The following VPS33B variants were observed in gnomAD, a reference collection of about 807,000 sequenced individuals.
VPS33B encodes the protein VPS33B late endosome and lysosome associated.
Under a neutral mutation model 95.3 loss-of-function variants are expected in VPS33B, and 80 were observed. The ratio of observed to expected loss-of-function variants is 0.84; its 90% CI spans 0.70 to 1.01. The LOEUF (loss-of-function observed/expected upper bound fraction) is 1.01. Ranked by LOEUF, VPS33B falls within the 50% of genes least tolerant of loss-of-function variation. The pLI, the probability that VPS33B is intolerant of heterozygous loss-of-function variation, is 0.00. For synonymous variants in VPS33B, 280 were observed against 280.4 expected, an observed-to-expected ratio of 1.00 and a Z score of 0.01; for missense variants, 715 against 773.4, an observed-to-expected ratio of 0.92 and a Z score of 0.90.
intron 1 of VPS33B, among the ~76,000 whole-genome samples, chr15:91,021,878 A>G (rs1486363131): frequency 6.6e-6 from 1 of 152,204 alleles, no homozygotes; most frequent in Non-Finnish European, 1.5e-5. Flanking sequence ...CCCTAATGGC[A>G]AAGATGTCTT....
rs1272396689 is a variant in VPS33B, at chr15:91,007,599, G to A, written c.499-26C>T. The A allele has an allele frequency of 4.3e-6, 7 of 1,611,528 alleles. No individual in the cohort carries two copies. Among genetic ancestry groups the A allele is most frequent in the Non-Finnish European group, 5.9e-6 (7 of 1,177,748 alleles). The stretch of plus-strand genomic sequence containing the variant: ...CTGCAGGGACCACACAAGCCACAAA[G>A]ATATGAATCAACCCAGTAGGACCAC... On this transcript the variant is annotated intron_variant, in intron 7 of 22. Coordinates refer to ENST00000333371, the MANE Select transcript of VPS33B (RefSeq NM_018668.5). This position sits in a 1 kb window ranked among gnomAD's most constrained non-coding sequence, Gnocchi z 5.3.
intron 19 of VPS33B, chr15:91,001,079 GC>G (rs1195953981): frequency 2.7e-6 from 1 of 374,988 alleles, no homozygotes; most frequent in Non-Finnish European, 5.1e-6. Flanking sequence ...ACTTTGGGAG[GC>G]CGAGGTGGGC....
At position 91,009,162 on chromosome 15, in the gene VPS33B, G is replaced by C. The variant is rs544661707; in HGVS notation, c.403+639C>G. On this transcript the variant is annotated intron_variant, in intron 6 of 22. Transcript: ENST00000333371. This position sits in a 1 kb window ranked among gnomAD's most constrained non-coding sequence, Gnocchi z 4.1. ...TTCCTGTGGGAGCCTTGGAAGGTGA[G>C]AAAAGAGTGGCTGGTCATTTCCAAC... Among the ~76,000 whole-genome samples, 13 of 152,136 alleles carry C rather than the reference G, an allele frequency of 8.5e-5. No individual in the cohort carries two copies. The South Asian group carries it at 2.1e-3, about 24-fold the overall frequency.
At chr15:91,014,031 A>G (rs1262453963) in intron 4 of VPS33B, among the ~76,000 whole-genome samples, 160 bp from the exon 5 acceptor site, 1 of 152,102 alleles carries the variant, frequency 6.6e-6, no homozygotes, top group South Asian at 2.1e-4. Flanking sequence ...CAGCCTGGCC[A>G]ACATGGTGAA....
At chr15:91,014,461 T>C (rs2040867821) in intron 3 of VPS33B, 28 bp from the exon 4 acceptor site, 1 of 1,611,114 alleles carries the variant, frequency 6.2e-7, no homozygotes, top group African/African-American at 1.3e-5. Context: ...AAAAAAACAG[T>C]GAAGAAGAAT....
chr15:91,019,112 CT>C (rs1340447722), intron 1 of VPS33B, among the ~76,000 whole-genome samples: 2 of 122,410 alleles, frequency 1.6e-5, no homozygotes, highest in East Asian at 6.2e-4. Context: ...TGCTCCTGGC[CT>C]GTTTTTTTTT....
chr15:91,009,975 C>T lies in VPS33B; in HGVS notation c.358-129G>A, dbSNP rs2040737007. ...CCAGTGAAAGACAAGAGAACCCAGA[C>T]TCTTAAGATCTAGAAAGAACCATTA... On this transcript the variant is annotated intron_variant, in intron 5 of 22. Coordinates refer to ENST00000333371, the MANE Select transcript of VPS33B (RefSeq NM_018668.5). This position sits in a 1 kb window ranked among gnomAD's most constrained non-coding sequence, Gnocchi z 4.1. 1.0e-6 allele frequency: 1 copy of T among 961,310 alleles called. No individual in the cohort carries two copies. Among genetic ancestry groups the T allele is most frequent in the African/African-American group, 1.6e-5 (1 of 61,444 alleles). The allele number at this position is 961,310 out of a possible 1,614,324, so 59.5% of individuals were successfully genotyped here.
At position 91,005,715 on chromosome 15, in the gene VPS33B, C is replaced by T. The variant is rs2040582847; in HGVS notation, c.1009G>A (p.Glu337Lys). Residue 337 changes from glutamate to lysine, a missense_variant, in exon 13 of 23, where the codon GAG becomes AAG. Coordinates refer to ENST00000333371, the MANE Select transcript of VPS33B (RefSeq NM_018668.5). This position sits in a 1 kb window ranked among gnomAD's most constrained non-coding sequence, Gnocchi z 6.4. ...VSQELKGLKQ[E>K]HRLLSLHIGA... ...CTACGGAGACTCAGCAGGCGGTGCT[C>T]CTGTTTCAGGCCCTTGAGCTCCTGG... is the stretch of plus-strand genomic sequence containing the variant. 6.2e-7 allele frequency: 1 copy of T among 1,614,124 alleles called. No homozygotes were observed. Among genetic ancestry groups the T allele is most frequent in the Non-Finnish European group, 8.5e-7 (1 of 1,180,006 alleles).
At position 91,015,114 on chromosome 15, in the gene VPS33B, T is replaced by C. The variant is rs2040886189; in HGVS notation, c.240-681A>G. Among the ~76,000 whole-genome samples, 1 of 151,828 alleles carries C rather than the reference T, an allele frequency of 6.6e-6. No homozygotes were observed. The highest frequency in any genetic ancestry group is 2.1e-4 in the South Asian group (1 of 4,794). ...ACTTTGGGAGGCAGAGGCGGGTGGA[T>C]CACCTGAGGTCAGGAGTTTGAGACC... is the stretch of plus-strand genomic sequence containing the variant. On this transcript the variant is annotated intron_variant, in intron 3 of 22. Transcript: ENST00000333371. This position sits in a 1 kb window ranked among gnomAD's most constrained non-coding sequence, Gnocchi z 4.7.
In VPS33B at chr15:91,006,064, G is replaced by C; in HGVS notation, c.853-5C>G. ...GTTCCGAATCTCATTAAACACCTGT[G>C]AGGACAGTAAGACAAGAACAGCTTA... On this transcript the variant is annotated splice_region_variant and splice_polypyrimidine_tract_variant and intron_variant, in intron 11 of 22. Coordinates refer to ENST00000333371, the MANE Select transcript of VPS33B (RefSeq NM_018668.5). The surrounding 1 kb of genome is among the most constrained non-coding windows in gnomAD (Gnocchi z 5.4). 1 of 1,614,132 alleles carries C rather than the reference G, an allele frequency of 6.2e-7. No individual in the cohort carries two copies. The highest frequency in any genetic ancestry group is 8.5e-7 in the Non-Finnish European group (1 of 1,179,998).
At chr15:91,012,456 C>T (rs1025456072) in intron 5 of VPS33B, among the ~76,000 whole-genome samples, 4 of 152,154 alleles carry the variant, frequency 2.6e-5, no homozygotes, top group Non-Finnish European at 5.9e-5. Context: ...AGACACGGAG[C>T]AGCTCAGTAC....
At chr15:91,001,315 A>G in intron 19 of VPS33B, 74 bp downstream of exon 19, 1 of 1,226,038 alleles carries the variant, frequency 8.2e-7, no homozygotes, top group Non-Finnish European at 1.2e-6. Flanking sequence ...ATCTCAAAAA[A>G]AAAAAAAAAA....
Position 91,017,365 on chromosome 15 carries a change from T to TTAAAAAAAAAAAAAAAAAAA in VPS33B, c.178-342_178-341insTTTTTTTTTTTTTTTTTTTA, listed in dbSNP as rs1555460460. ...TAACAAGACTCCATCTCTACAAAATTAAATATATATATATATATATATATA... is the reference window on the plus strand; with the variant it reads ...TAACAAGACTCCATCTCTACAAAATTTAAAAAAAAAAAAAAAAAAAAAATATATATATATATATATATATA... On this transcript the variant is annotated intron_variant, in intron 2 of 22. Coordinates refer to ENST00000333371, the MANE Select transcript of VPS33B (RefSeq NM_018668.5). Among the ~76,000 whole-genome samples the TTAAAAAAAAAAAAAAAAAAA allele has an allele frequency of 7.6e-4, 13 of 16,998 alleles. 2 individuals carry two copies. The highest frequency in any genetic ancestry group is 4.8e-3 in the East Asian group (2 of 420). The allele number at this position is 16,998 out of a possible 152,430, so 11.2% of individuals were successfully genotyped here.
intron 3 of VPS33B, among the ~76,000 whole-genome samples, chr15:91,014,860 G>A (rs1323474222): frequency 6.6e-6 from 1 of 152,084 alleles, no homozygotes; most frequent in Non-Finnish European, 1.5e-5. Context: ...GCCAAGGTGA[G>A]AAGATTGCTT....
chr15:91,021,862 T>C (rs2041112285), intron 1 of VPS33B, among the ~76,000 whole-genome samples: 2 of 152,202 alleles, frequency 1.3e-5, no homozygotes, highest in African/African-American at 4.8e-5. Context: ...ACTGGAGTGG[T>C]AAGATCCCTA....
At position 91,011,881 on chromosome 15, in the gene VPS33B, C is replaced by T. The variant is rs1299811129; in HGVS notation, c.357+1923G>A. Among the ~76,000 whole-genome samples, 6 of 151,902 alleles carry T rather than the reference C, an allele frequency of 3.9e-5. No individual in the cohort carries two copies. Among genetic ancestry groups the T allele is most frequent in the South Asian group, 2.1e-4 (1 of 4,804 alleles). ...GTGCACATCTGTAGTCCCAGCTACT[C>T]GGGAAGCTGAGGCAGGAGAATTGCT... On this transcript the variant is annotated intron_variant, in intron 5 of 22. Transcript: ENST00000333371. The surrounding 1 kb of genome is among the most constrained non-coding windows in gnomAD (Gnocchi z 5.5).
At position 91,007,603 on chromosome 15, in the gene VPS33B, T is replaced by G; in HGVS notation, c.499-30A>C. On this transcript the variant is annotated intron_variant, in intron 7 of 22. Coordinates refer to ENST00000333371, the MANE Select transcript of VPS33B (RefSeq NM_018668.5). This position sits in a 1 kb window ranked among gnomAD's most constrained non-coding sequence, Gnocchi z 5.3. ...AGGGACCACACAAGCCACAAAGATATGAATCAACCCAGTAGGACCACCTGG... is the reference window on the plus strand; with the variant it reads ...AGGGACCACACAAGCCACAAAGATAGGAATCAACCCAGTAGGACCACCTGG... The G allele has an allele frequency of 6.2e-7, 1 of 1,610,960 alleles. No individual in the cohort carries two copies.
rs75453156 is a variant in VPS33B, at chr15:90,999,251, GT to G, written c.1775-198del. On this transcript the variant is annotated intron_variant, in intron 22 of 22. Transcript: ENST00000333371. The surrounding 1 kb of genome is among the most constrained non-coding windows in gnomAD (Gnocchi z 5.1). ...GGGCTCCCTGCTGTGGCAGCCCAGA[GT>G]TAAGGCTATGGCAAGTTGTATTCTG... is the stretch of plus-strand genomic sequence containing the variant. 95,360 of 648,752 alleles carry G rather than the reference GT, an allele frequency of 0.15. 11,970 individuals carry two copies. The highest frequency in any genetic ancestry group is 0.5 in the East Asian group (18,241 of 36,470). The allele number at this position is 648,752 out of a possible 1,614,324, so 40.2% of individuals were successfully genotyped here.
In VPS33B at chr15:91,002,305, T is replaced by C. The variant is rs75305827; in HGVS notation, c.1273-123A>G. The C allele has an allele frequency of 0.011, 15,381 of 1,384,758 alleles. 1,302 individuals are homozygous for C. In the African/African-American group the frequency reaches 0.19, roughly 17 times the overall value. 85.8% of individuals were successfully genotyped at this position (1,384,758 alleles called of 1,614,324 possible). The stretch of plus-strand genomic sequence containing the variant: ...CTGCAGTGTGAAGGAGCTCACACTT[T>C]GTTGAGATAAATTTTCACATCAGAA... On this transcript the variant is annotated intron_variant, in intron 17 of 22. Transcript: ENST00000333371. The surrounding 1 kb of genome is among the most constrained non-coding windows in gnomAD (Gnocchi z 4.7).
Sources: allele counts gnomAD v4.1 joint callset (sites outside exome capture counted in the v4.1 genomes callset), GRCh38; gene constraint gnomAD v4.1.1; non-coding constraint Gnocchi (gnomAD v3.1); transcripts MANE v1.5; gene names NCBI Gene and HGNC (gene_info 2026-07-23, HGNC 2026-07-21).